The following SPC25 variants were observed in gnomAD, a reference collection of about 807,000 sequenced individuals.
SPC25 encodes the protein kinetochore protein Spc25.
Under a neutral mutation model 29.6 loss-of-function variants are expected in SPC25, and 22 were observed. That is an observed-to-expected ratio of 0.74 (90% CI 0.53 to 1.06). SPC25 has a LOEUF of 1.06. Among genes scored for constraint, SPC25 ranks in the 50% least tolerant of loss-of-function variants. SPC25 has a pLI of 0.00. For missense variants in SPC25, 230 were observed against 255.8 expected, an observed-to-expected ratio of 0.90 and a Z score of 0.69; for synonymous variants, 91 against 90.4, an observed-to-expected ratio of 1.01 and a Z score of -0.04.
At position 168,884,047 on chromosome 2, in the gene SPC25, G is replaced by C. The variant is rs562432610; in HGVS notation, c.199+5179C>G. Among the ~76,000 whole-genome samples, 5 of 152,288 alleles carry C rather than the reference G, an allele frequency of 3.3e-5. No individual in the cohort carries two copies. The South Asian group carries it at 1.0e-3, about 32-fold the overall frequency. On this transcript the variant is annotated intron_variant, in intron 3 of 6. Transcript: ENST00000282074. ...GCCTCCCAAATTGCTAGGACTACAG[G>C]TGTGAGCCACTGCACCTGGCCTGCT...
At chr2:168,888,960 T>TACACACACACAC in intron 3 of SPC25, among the ~76,000 whole-genome samples, 1 of 76,518 alleles carries the variant, frequency 1.3e-5, no homozygotes. Context: ...TGTGTGTGTA[T>TACACACACACAC]ATATATATAT....
intron 6 of SPC25, among the ~76,000 whole-genome samples, chr2:168,871,814 G>C (rs1366330210): frequency 6.6e-6 from 1 of 152,038 alleles, no homozygotes. Flanking sequence ...AAGGATCGAA[G>C]AGTTTAGTGA....
chr2:168,876,204 A>C, intron 4 of SPC25, 28 bp from the exon 5 acceptor site: 3 of 1,397,360 alleles, frequency 2.1e-6, no homozygotes, highest in Non-Finnish European at 2.9e-6. Context: ...ACAATATTAA[A>C]TGTTTTAAAT....
intron 3 of SPC25, among the ~76,000 whole-genome samples, chr2:168,883,204 A>T (rs1690204508): frequency 6.6e-6 from 1 of 152,128 alleles, no homozygotes; most frequent in South Asian, 2.1e-4. Flanking sequence ...GTGGGAAAAT[A>T]TTCTCAAAGT....
downstream of SPC25, among the ~76,000 whole-genome samples, chr2:168,867,301 TC>T (rs1689882582): frequency 6.6e-6 from 1 of 152,104 alleles, no homozygotes; most frequent in East Asian, 1.9e-4. Context: ...GTAAAGGCCA[TC>T]AAGGCTAGGA....
chr2:168,888,673 T>C (rs2105839142), intron 3 of SPC25, among the ~76,000 whole-genome samples: 1 of 152,174 alleles, frequency 6.6e-6, no homozygotes, highest in South Asian at 2.1e-4. Context: ...TTTCTTAAAC[T>C]GTATAGTATG....
intron 3 of SPC25, among the ~76,000 whole-genome samples, chr2:168,885,767 G>C (rs1277735253): frequency 6.6e-6 from 1 of 152,114 alleles, no homozygotes; most frequent in African/African-American, 2.4e-5. Context: ...CAGACCGCAG[G>C]TTCAAATCAT....
downstream of SPC25, among the ~76,000 whole-genome samples, chr2:168,870,729 A>G (rs1336426046): frequency 5.0e-4 from 73 of 145,772 alleles, no homozygotes; most frequent in African/African-American, 1.7e-3. Context: ...GAGGATGTGG[A>G]GAAATAGGAA....
chr2:168,871,579 C>T, intron 6 of SPC25, 24 bp from the exon 7 acceptor site: 1 of 1,537,450 alleles, frequency 6.5e-7, no homozygotes, highest in Non-Finnish European at 8.7e-7. Flanking sequence ...AAAAAGAAAT[C>T]AAAGACAATT....
intron 4 of SPC25, among the ~76,000 whole-genome samples, chr2:168,862,471 A>G (rs581363): frequency 0.82 from 124,380 of 152,166 alleles, 50,877 homozygotes; most frequent in East Asian, 0.9. Context: ...GTGATTAGAG[A>G]TGTACCCCAC....
downstream of SPC25, among the ~76,000 whole-genome samples, chr2:168,866,879 T>C (rs949855956): frequency 5.3e-5 from 8 of 152,214 alleles, no homozygotes; most frequent in African/African-American, 1.9e-4. Flanking sequence ...AAAATGCTCA[T>C]CATCACTGGC....
chr2:168,888,957 GTA>G lies in SPC25; in HGVS notation c.199+267_199+268del, dbSNP rs796932662. On this transcript the variant is annotated intron_variant, in intron 3 of 6. Coordinates refer to ENST00000282074, the MANE Select transcript of SPC25 (RefSeq NM_020675.4). ...TGTGTGTGTGTGTGTGTGTGTGTGT[GTA>G]TATATATATATATACACACACACAT... 1.0e-3 allele frequency among the ~76,000 whole-genome samples: 95 copies of G among 91,662 alleles called. 6 individuals are homozygous for G. The highest frequency in any genetic ancestry group is 2.5e-3 in the African/African-American group (53 of 21,550). 60.1% of individuals were successfully genotyped at this position (91,662 alleles called of 152,430 possible).
intron 3 of SPC25, among the ~76,000 whole-genome samples, 154 bp downstream of exon 3, chr2:168,889,060 TATATATATACAC>T (rs1336583264): frequency 1.9e-5 from 1 of 53,098 alleles, no homozygotes; most frequent in African/African-American, 6.0e-5. Flanking sequence ...TATATATACA[TATATATATACAC>T]ATATATATAC....
chr2:168,877,173 C>G, intron 4 of SPC25, 65 bp downstream of exon 4: 1 of 1,560,188 alleles, frequency 6.4e-7, no homozygotes, highest in Non-Finnish European at 8.7e-7. Flanking sequence ...GCAAGATGTA[C>G]TTAATAAAGG....
rs578033036 is a variant in SPC25 at position 168,890,303 on chromosome 2, G to T, written c.-15+15C>A. The T allele has an allele frequency of 4.2e-4, 417 of 982,374 alleles. No individual in the cohort carries two copies. Among genetic ancestry groups the T allele is most frequent in the Admixed American group, 1.8e-3 (29 of 16,276 alleles). 60.9% of individuals were successfully genotyped at this position (982,374 alleles called of 1,614,324 possible). ...GGGGGGCCAAGGAGCCCAGCTCGGC[G>T]CCCAACTCCCTTACCTTCGCAGGCA... On this transcript the variant is annotated intron_variant, in intron 1 of 6. Coordinates refer to ENST00000282074, the MANE Select transcript of SPC25 (RefSeq NM_020675.4).
At chr2:168,889,653 T>A in intron 1 of SPC25, 120 bp from the exon 2 acceptor site, 1 of 1,022,930 alleles carries the variant, frequency 9.8e-7, no homozygotes, top group Non-Finnish European at 1.4e-6. Context: ...AACTTATCTT[T>A]AATTCTAGGT....
intron 4 of SPC25, among the ~76,000 whole-genome samples, chr2:168,865,725 T>C (rs1261272732): frequency 6.6e-6 from 1 of 152,186 alleles, no homozygotes. Flanking sequence ...AAAACCCCAC[T>C]GTCTCAGCCC....
chr2:168,867,662 G>T (rs1347093569), downstream of SPC25, among the ~76,000 whole-genome samples: 2 of 152,244 alleles, frequency 1.3e-5, no homozygotes, highest in East Asian at 3.8e-4. Context: ...ATGGTAAAGG[G>T]ATCAATTCAA....
intron 3 of SPC25, among the ~76,000 whole-genome samples, chr2:168,885,290 G>A (rs1690243520): frequency 6.6e-6 from 1 of 151,842 alleles, no homozygotes; most frequent in East Asian, 1.9e-4. Flanking sequence ...TCACCTTCAG[G>A]CCCACAGTCT....
Sources: gnomAD v4.1 joint callset for allele counts (sites outside exome capture counted in the v4.1 genomes callset) on GRCh38, gnomAD v4.1.1 for gene constraint, MANE v1.5 for transcripts, NCBI Gene and HGNC (gene_info 2026-07-23, HGNC 2026-07-21) for gene names.